The following TENM3 variants were observed in gnomAD, a reference collection of about 807,000 sequenced individuals.
TENM3 encodes teneurin-3.
TENM3 carries 63 observed loss-of-function variants against 255.1 expected under a neutral mutation model. The ratio of observed to expected loss-of-function variants is 0.25; its 90% CI spans 0.20 to 0.30. TENM3 has a LOEUF of 0.30. Among genes scored for constraint, TENM3 ranks in the 10% least tolerant of loss-of-function variants. The pLI, the probability that TENM3 is intolerant of heterozygous loss-of-function variation, is 1.00. For synonymous variants in TENM3, 1,306 were observed against 1,322.3 expected (o/e 0.99, Z 0.27); for missense variants, 2,929 against 3,461.1 (o/e 0.85, Z 3.86).
chr4:182,047,778 A>G, the TENM3 span, among the ~76,000 whole-genome samples: 2 of 152,080 alleles, frequency 1.3e-5, no homozygotes, highest in Non-Finnish European at 2.9e-5. Context: ...TCTGCTATGT[A>G]TATGTCTAAA....
chr4:182,648,322 C>T (rs1013241201), intron 5 of TENM3, among the ~76,000 whole-genome samples: 1 of 146,372 alleles, frequency 6.8e-6, no homozygotes, highest in East Asian at 2.1e-4. Flanking sequence ...CTCATTTTGT[C>T]ACCCAGGCTG....
At chr4:181,765,330 G>C in the TENM3 span, among the ~76,000 whole-genome samples, 32 of 152,100 alleles carry the variant, frequency 2.1e-4, no homozygotes, top group African/African-American at 7.2e-5. Context: ...GAAGTCCTTT[G>C]AGTGTGATAA....
chr4:181,700,332 T>G, the TENM3 span, among the ~76,000 whole-genome samples: 1 of 152,190 alleles, frequency 6.6e-6, no homozygotes, highest in South Asian at 2.1e-4. Flanking sequence ...TTTCTTGATT[T>G]TAATCAAGTT....
chr4:181,628,291 C>A, the TENM3 span, among the ~76,000 whole-genome samples: 3 of 152,116 alleles, frequency 2.0e-5, no homozygotes, highest in African/African-American at 7.2e-5. Context: ...GTTGCCTGTT[C>A]ACTCTGATGG....
At chr4:182,332,040 A>AT (rs1763791825) in intron 2 of TENM3, among the ~76,000 whole-genome samples, 2 of 152,158 alleles carry the variant, frequency 1.3e-5, no homozygotes, top group Non-Finnish European at 2.9e-5. Context: ...AAATGATACA[A>AT]TTTTTTATAT....
chr4:182,464,050 G>A (rs1362747448), intron 3 of TENM3, among the ~76,000 whole-genome samples: 1 of 152,136 alleles, frequency 6.6e-6, no homozygotes, highest in Non-Finnish European at 1.5e-5. Context: ...AATAGACCAA[G>A]AAATTGCTAC....
At chr4:181,566,965 T>G in the TENM3 span, among the ~76,000 whole-genome samples, 2 of 152,180 alleles carry the variant, frequency 1.3e-5, no homozygotes, top group Admixed American at 6.5e-5. Context: ...GATGCCATCT[T>G]CCGAGACTCC....
chr4:182,343,841 A>G (rs1764632464), intron 2 of TENM3, among the ~76,000 whole-genome samples: 1 of 152,212 alleles, frequency 6.6e-6, no homozygotes, highest in South Asian at 2.1e-4. Flanking sequence ...TTGCATTAAA[A>G]TAAGGGATCC....
At chr4:181,485,978 A>G in the TENM3 span, among the ~76,000 whole-genome samples, 763 of 152,060 alleles carry the variant, frequency 5.0e-3, 4 homozygotes, top group African/African-American at 0.017. Context: ...AATTCCTAAT[A>G]GGAATAAAGA....
chr4:182,491,967 A>G (rs954224499), intron 3 of TENM3, among the ~76,000 whole-genome samples: 2 of 152,344 alleles, frequency 1.3e-5, no homozygotes, highest in Admixed American at 1.3e-4. Context: ...GAACAGGTAC[A>G]TGCTAGCCCT....
chr4:182,196,954 A>G (rs1753868078), intron 1 of TENM3, among the ~76,000 whole-genome samples: 2 of 152,070 alleles, frequency 1.3e-5, no homozygotes, highest in African/African-American at 4.8e-5. Context: ...CTCGGATGCC[A>G]AGGAGCTCAG....
chr4:181,686,090 C>A, the TENM3 span, among the ~76,000 whole-genome samples: 1 of 152,110 alleles, frequency 6.6e-6, no homozygotes, highest in African/African-American at 2.4e-5. Flanking sequence ...TGGGCTCTGG[C>A]AAACTAGTTT....
At chr4:181,649,380 A>G in the TENM3 span, among the ~76,000 whole-genome samples, 20 of 152,192 alleles carry the variant, frequency 1.3e-4, no homozygotes, top group African/African-American at 2.9e-4. Flanking sequence ...GCAATAAGTC[A>G]TATTTGATGA....
At chr4:181,941,310 TG>T in the TENM3 span, among the ~76,000 whole-genome samples, 21,940 of 111,404 alleles carry the variant, frequency 0.2, 1,642 homozygotes, top group Non-Finnish European at 0.24. Flanking sequence ...TTTTGTTTGA[TG>T]TTTTTTTTTT....
At chr4:181,910,288 C>T in the TENM3 span, among the ~76,000 whole-genome samples, 4 of 151,884 alleles carry the variant, frequency 2.6e-5, no homozygotes, top group East Asian at 1.9e-4. Context: ...ATATACAGGC[C>T]GGGTGCAGTG....
At chr4:181,525,121 G>T in the TENM3 span, among the ~76,000 whole-genome samples, 6 of 152,126 alleles carry the variant, frequency 3.9e-5, no homozygotes, top group African/African-American at 1.4e-4. Flanking sequence ...GAATGCAGAA[G>T]AGGGGCCAGC....
the TENM3 span, among the ~76,000 whole-genome samples, chr4:181,714,681 A>C: frequency 6.6e-6 from 1 of 152,218 alleles, no homozygotes; most frequent in African/African-American, 2.4e-5. Flanking sequence ...TCTTTCTGTT[A>C]AAATGTGGAT....
chr4:182,632,858 CTGTT>C (rs1177345228), intron 5 of TENM3, among the ~76,000 whole-genome samples: 1 of 152,034 alleles, frequency 6.6e-6, no homozygotes, highest in African/African-American at 2.4e-5. Context: ...GGTTCTCACT[CTGTT>C]TTTTTCTTTA....
chr4:182,123,107 T>C, the TENM3 span, among the ~76,000 whole-genome samples: 1 of 152,212 alleles, frequency 6.6e-6, no homozygotes. Flanking sequence ...ATGGCCTTGC[T>C]CGGGACTAGG....
Sources: allele counts gnomAD v4.1 joint callset (sites outside exome capture counted in the v4.1 genomes callset), GRCh38; gene constraint gnomAD v4.1.1; transcripts MANE v1.5; gene names NCBI Gene and HGNC (gene_info 2026-07-23, HGNC 2026-07-21).